The following DZIP1 variants were observed in gnomAD, a reference collection of about 807,000 sequenced individuals.
DZIP1 encodes the protein cilium assembly protein DZIP1.
In DZIP1, 97 loss-of-function variants were observed where a neutral mutation model predicts 107.6. That is an observed-to-expected ratio of 0.90 (90% CI 0.77 to 1.07). The LOEUF is 1.07. DZIP1 is among the 50% of genes least tolerant of loss of function. The pLI, the probability that DZIP1 is intolerant of heterozygous loss-of-function variation, is 0.00. For synonymous variants in DZIP1, 390 were observed against 386.4 expected (o/e 1.01, Z -0.11); for missense variants, 1,035 against 1,063.6 (o/e 0.97, Z 0.37).
chr13:95,615,554 G>A (rs1874945921), intron 10 of DZIP1, among the ~76,000 whole-genome samples: 1 of 152,198 alleles, frequency 6.6e-6, no homozygotes, highest in Non-Finnish European at 1.5e-5. Flanking sequence ...AGTGGAGCTG[G>A]CCACCTGTAC....
In DZIP1 at chr13:95,642,108, G is replaced by C; in HGVS notation, c.-79C>G. On this transcript the variant is annotated 5_prime_UTR_variant, in exon 4 of 23. Transcript: ENST00000376829. ...GCCACAGCCCTCAGGAGCGGGAGAA[G>C]GCCGGGTTCCTCGCTTCCGCGGCGG... 3 of 1,431,602 alleles carry C rather than the reference G, an allele frequency of 2.1e-6. No homozygotes were observed. Among genetic ancestry groups the C allele is most frequent in the Non-Finnish European group, 2.7e-6 (3 of 1,098,808 alleles). 88.7% of individuals were successfully genotyped at this position (1,431,602 alleles called of 1,614,324 possible).
intron 14 of DZIP1, among the ~76,000 whole-genome samples, chr13:95,599,862 C>T (rs1359440053): frequency 1.3e-5 from 2 of 152,074 alleles, no homozygotes; most frequent in Admixed American, 1.3e-4. Context: ...GGGTGCTAAC[C>T]CCACGGTTTT....
chr13:95,597,337 C>T (rs983475560), intron 15 of DZIP1, among the ~76,000 whole-genome samples: 1 of 152,034 alleles, frequency 6.6e-6, no homozygotes, highest in East Asian at 1.9e-4. Context: ...AACCTCCTGA[C>T]ATGTCTCACA....
intron 20 of DZIP1, among the ~76,000 whole-genome samples, chr13:95,587,132 A>G (rs918408811): frequency 2.0e-5 from 3 of 152,206 alleles, no homozygotes; most frequent in Admixed American, 6.5e-5. Flanking sequence ...AGATGCACAC[A>G]GAGGGAAGAT....
intron 15 of DZIP1, among the ~76,000 whole-genome samples, chr13:95,598,853 G>GT (rs2044533640): frequency 6.6e-6 from 1 of 152,112 alleles, no homozygotes; most frequent in Admixed American, 6.6e-5. Context: ...CCCAACACCT[G>GT]TAACAGCTCC....
chr13:95,637,509 C>T (rs78294114), intron 5 of DZIP1, among the ~76,000 whole-genome samples: 2,090 of 152,016 alleles, frequency 0.014, 49 homozygotes, highest in African/African-American at 0.047. Flanking sequence ...AAGGCTGAGG[C>T]GGAAAGAATA....
At chr13:95,588,771 C>G (rs1401389064) in intron 19 of DZIP1, among the ~76,000 whole-genome samples, 1 of 152,108 alleles carries the variant, frequency 6.6e-6, no homozygotes, top group Admixed American at 6.5e-5. Flanking sequence ...TTAACTTCCA[C>G]AAAAAACTGG....
In DZIP1 at chr13:95,642,197, C is replaced by T; in HGVS notation, c.-168G>A. The T allele has an allele frequency of 1.1e-6, 1 of 875,104 alleles. No individual in the cohort carries two copies. Among genetic ancestry groups the T allele is most frequent in the East Asian group, 3.3e-5 (1 of 29,920 alleles). 54.2% of individuals were successfully genotyped at this position (875,104 alleles called of 1,614,324 possible). Reference sequence around the variant, plus strand: ...GCAGCGCCCAGGTCCGGACCTGGAGCAAAGGGCGCGTCTGCCCGCGCAGGG... The same window carrying T: ...GCAGCGCCCAGGTCCGGACCTGGAGTAAAGGGCGCGTCTGCCCGCGCAGGG... On this transcript the variant is annotated 5_prime_UTR_variant, in exon 4 of 23. Coordinates refer to ENST00000376829, the MANE Select transcript of DZIP1 (RefSeq NM_198968.4).
At chr13:95,617,198 T>G (rs1239398422) in intron 10 of DZIP1, among the ~76,000 whole-genome samples, 5 of 140,614 alleles carry the variant, frequency 3.6e-5, no homozygotes, top group Admixed American at 1.4e-4. Context: ...TGAGACTCTG[T>G]CTCACCCCAA....
chr13:95,630,359 T>C (rs143793774), intron 6 of DZIP1, among the ~76,000 whole-genome samples: 53 of 152,242 alleles, frequency 3.5e-4, no homozygotes, highest in African/African-American at 1.2e-3. Flanking sequence ...TTATCCTACA[T>C]AGATACATGA....
chr13:95,612,142 C>G lies in DZIP1; in HGVS notation c.1209G>C (p.Met403Ile). Residue 403 changes from methionine (M) to isoleucine (I), a missense_variant, in exon 11 of 23, where the codon ATG becomes ATC. Physicochemically the swap from Met to Ile is conservative, Grantham distance 10. Coordinates refer to ENST00000376829, the MANE Select transcript of DZIP1 (RefSeq NM_198968.4). ...CATTGCTTGCATTTAGATCATCTAT[C>G]ATTGAGGTTCGAAGTTTCTCTATAT... ...LSHIEKLRTS[M>I]IDDLNASNVF... The G allele has an allele frequency of 1.9e-6, 3 of 1,612,866 alleles. No individual in the cohort carries two copies. The highest frequency in any genetic ancestry group is 8.5e-7 in the Non-Finnish European group (1 of 1,179,970).
chr13:95,593,851 A>C, intron 16 of DZIP1, 93 bp downstream of exon 16: 3 of 1,453,514 alleles, frequency 2.1e-6, no homozygotes, highest in Non-Finnish European at 2.8e-6. Flanking sequence ...CATGGACAGA[A>C]TTGATGTGCT....
chr13:95,616,291 G>A (rs1875059316), intron 10 of DZIP1, among the ~76,000 whole-genome samples: 1 of 152,196 alleles, frequency 6.6e-6, no homozygotes, highest in South Asian at 2.1e-4. Context: ...TACAGCAGAT[G>A]GTGCTTAGAC....
Position 95,622,445 on chromosome 13 carries a change from G to T in DZIP1, c.1008C>A (p.Ile336=). Residue 336 remains isoleucine, a synonymous_variant, in exon 9 of 23, where the codon ATC becomes ATA. Transcript: ENST00000376829. ...CTTTTAATGTGCCTATGTTGGACTT[G>T]ATCTGCATATTGGACTTCTGGATTT... ...LSEIQKSNMQ[I]KSNIGTLKDA... is the part of the protein sequence containing the mutation. 6.2e-7 allele frequency: 1 copy of T among 1,614,184 alleles called. No individual in the cohort carries two copies. Among genetic ancestry groups the T allele is most frequent in the Non-Finnish European group, 8.5e-7 (1 of 1,180,028 alleles).
Position 95,621,906 on chromosome 13 carries a change from A to G in DZIP1, c.1110+437T>C, listed in dbSNP as rs145437282. The stretch of plus-strand genomic sequence containing the variant: ...TTAATTGAGCCGAGGTGGGCGGATC[A>G]CCTGAGGTCAGGAGTTCAAGATCAG... On this transcript the variant is annotated intron_variant, in intron 9 of 22. Transcript: ENST00000376829. Among the ~76,000 whole-genome samples, 665 of 151,898 alleles carry G rather than the reference A, an allele frequency of 4.4e-3. 8 individuals are homozygous for G. Among genetic ancestry groups the G allele is most frequent in the African/African-American group, 0.015 (639 of 41,404 alleles).
In DZIP1 at chr13:95,594,035, G is replaced by T; in HGVS notation, c.1589C>A (p.Ala530Asp). ...LNNNKMHLRK[A>D]LKSNSSLTKG... Reference sequence around the variant, plus strand: ...AGTGAGGGAGGAGTTACTCTTCAAAGCTTTCCTTAAATGCATTTTGTTGTT... The same window carrying T: ...AGTGAGGGAGGAGTTACTCTTCAAATCTTTCCTTAAATGCATTTTGTTGTT... The change falls in exon 16 of 23, where the codon GCT becomes GAT. Residue 530 changes from alanine (A) to aspartate (D), a missense_variant. By Grantham distance (126) the Ala-to-Asp change is moderately radical. Transcript: ENST00000376829. 1 of 1,610,080 alleles carries T rather than the reference G, an allele frequency of 6.2e-7. No individual in the cohort carries two copies. The highest frequency in any genetic ancestry group is 8.5e-7 in the Non-Finnish European group (1 of 1,178,130).
chr13:95,603,393 A>C (rs896373062), intron 14 of DZIP1, among the ~76,000 whole-genome samples: 1 of 151,698 alleles, frequency 6.6e-6, no homozygotes, highest in Admixed American at 6.6e-5. Flanking sequence ...TCATGCATAC[A>C]TAAGCCCCTC....
Position 95,614,250 on chromosome 13 carries a change from T to G in DZIP1, c.1174-2073A>C, listed in dbSNP as rs1173566089. Among the ~76,000 whole-genome samples the G allele has an allele frequency of 2.6e-5, 4 of 151,524 alleles. No homozygotes were observed. The East Asian group carries it at 7.8e-4, about 30-fold the overall frequency. On this transcript the variant is annotated intron_variant, in intron 10 of 22. Transcript: ENST00000376829. The stretch of plus-strand genomic sequence containing the variant: ...AACCAATCTAGAAAGATTTTCCGAG[T>G]GAAACCTAAAAAGAATCTTTCCTTT...
chr13:95,633,596 T>C (rs1877452952), intron 5 of DZIP1, among the ~76,000 whole-genome samples: 2 of 150,212 alleles, frequency 1.3e-5, no homozygotes, highest in Admixed American at 1.3e-4. Flanking sequence ...AGAGAATCAC[T>C]TGAACCCAGG....
Sources: gnomAD v4.1 joint callset for allele counts (sites outside exome capture counted in the v4.1 genomes callset) on GRCh38, gnomAD v4.1.1 for gene constraint, MANE v1.5 for transcripts, NCBI Gene and HGNC (gene_info 2026-07-23, HGNC 2026-07-21) for gene names.